Variants in ELOVL6 observed in about 807,000 individuals in gnomAD.
ELOVL6 encodes the protein ELOVL fatty acid elongase 6, also known as very long chain fatty acid elongase 6.
Under a neutral mutation model 31.7 loss-of-function variants are expected in ELOVL6, and 8 were observed. The observed-to-expected ratio is 0.25, with a 90% CI of 0.15 to 0.45. The LOEUF (loss-of-function observed/expected upper bound fraction) is 0.45. Among genes scored for constraint, ELOVL6 ranks in the 20% least tolerant of loss-of-function variants. The pLI is 1.00. For synonymous variants in ELOVL6, 101 were observed against 117.7 expected (o/e 0.86, Z 0.92); for missense variants, 126 against 326.4 (o/e 0.39, Z 4.73).
Position 110,114,782 on chromosome 4 carries a change from A to T in ELOVL6, c.90-9154T>A, listed in dbSNP as rs562203240. 9.2e-5 allele frequency among the ~76,000 whole-genome samples: 14 copies of T among 152,372 alleles called. No individual in the cohort carries two copies. The East Asian group carries it at 2.7e-3, about 29-fold the overall frequency. On this transcript the variant is annotated intron_variant, in intron 1 of 3. Coordinates refer to ENST00000302274, the MANE Select transcript of ELOVL6 (RefSeq NM_024090.3). ...GAAAAAACACTGTCAAAAGGAGACAATTATTCACAATGCATTGAAAACCGG... is the reference window on the plus strand; with the variant it reads ...GAAAAAACACTGTCAAAAGGAGACATTTATTCACAATGCATTGAAAACCGG...
At chr4:110,066,418 C>T (rs1012668981) in intron 2 of ELOVL6, among the ~76,000 whole-genome samples, 2 of 151,802 alleles carry the variant, frequency 1.3e-5, no homozygotes, top group South Asian at 2.1e-4. Flanking sequence ...GGGCGGATCA[C>T]GAGGTCAGGA....
Position 110,069,366 on chromosome 4 carries a change from T to C in ELOVL6, c.222-9612A>G, listed in dbSNP as rs188494053. Reference sequence around the variant, plus strand: ...TATAAAGACTTCATCTCCTTGGCACTACTAATAGCCTCGACCCCATCAAGG... The same window carrying C: ...TATAAAGACTTCATCTCCTTGGCACCACTAATAGCCTCGACCCCATCAAGG... On this transcript the variant is annotated intron_variant, in intron 2 of 3. Transcript: ENST00000302274. 7.9e-5 allele frequency among the ~76,000 whole-genome samples: 12 copies of C among 151,974 alleles called. No homozygotes were observed. The East Asian group carries it at 2.3e-3, about 29-fold the overall frequency.
chr4:110,157,021 A>G (rs1758448597), intron 1 of ELOVL6, among the ~76,000 whole-genome samples: 1 of 152,216 alleles, frequency 6.6e-6, no homozygotes, highest in Non-Finnish European at 1.5e-5. Context: ...GAAACTGGCT[A>G]ATCATCATTC....
At position 110,084,377 on chromosome 4, in the gene ELOVL6, A is replaced by G. The variant is rs1182937407; in HGVS notation, c.221+21120T>C. 6.6e-4 allele frequency among the ~76,000 whole-genome samples: 34 copies of G among 51,730 alleles called. 5 individuals carry two copies. The South Asian group carries it at 0.022, about 34-fold the overall frequency. 33.9% of individuals were successfully genotyped at this position (51,730 alleles called of 152,430 possible). Reference sequence around the variant, plus strand: ...ATATATACCGCATATATGATATATGATATATATCGCATATATGATATATGA... The same window carrying G: ...ATATATACCGCATATATGATATATGGTATATATCGCATATATGATATATGA... On this transcript the variant is annotated intron_variant, in intron 2 of 3. Transcript: ENST00000302274.
At chr4:110,138,569 G>A (rs1051297305) in intron 1 of ELOVL6, among the ~76,000 whole-genome samples, 1 of 152,136 alleles carries the variant, frequency 6.6e-6, no homozygotes, top group African/African-American at 2.4e-5. Context: ...CTAAAGACAT[G>A]GGAATAAATT....
chr4:110,170,495 T>G (rs1431370325), intron 1 of ELOVL6, among the ~76,000 whole-genome samples: 2 of 152,372 alleles, frequency 1.3e-5, no homozygotes, highest in Non-Finnish European at 2.9e-5. Flanking sequence ...AGTTGCCCAA[T>G]GTGCACATCC....
intron 2 of ELOVL6, among the ~76,000 whole-genome samples, chr4:110,079,148 T>C: frequency 6.6e-6 from 1 of 152,168 alleles, no homozygotes; most frequent in Non-Finnish European, 1.5e-5. Context: ...ATGGGAGACT[T>C]TAACACCCTA....
intron 1 of ELOVL6, among the ~76,000 whole-genome samples, chr4:110,162,509 A>AT (rs532829072): frequency 3.3e-5 from 5 of 151,770 alleles, no homozygotes; most frequent in Non-Finnish European, 5.9e-5. Context: ...ACTATGCCTA[A>AT]TTTTTTTTCT....
intron 2 of ELOVL6, among the ~76,000 whole-genome samples, chr4:110,073,304 C>T (rs1242093707): frequency 6.6e-6 from 1 of 151,470 alleles, no homozygotes; most frequent in East Asian, 1.9e-4. Flanking sequence ...ACTCTTTTCA[C>T]AGAGGCATTT....
intron 1 of ELOVL6, among the ~76,000 whole-genome samples, chr4:110,162,369 A>C (rs543515020): frequency 6.6e-6 from 1 of 152,272 alleles, no homozygotes; most frequent in Non-Finnish European, 1.5e-5. Context: ...TTTTTGAGAC[A>C]GGGTCTCAAT....
intron 2 of ELOVL6, among the ~76,000 whole-genome samples, chr4:110,064,955 G>A (rs1285752123): frequency 4.6e-5 from 7 of 152,124 alleles, no homozygotes; most frequent in African/African-American, 9.7e-5. Flanking sequence ...ATTAGCACTC[G>A]GGGAGAAAAG....
At chr4:110,119,050 G>A (rs1757268747) in intron 1 of ELOVL6, among the ~76,000 whole-genome samples, 1 of 152,032 alleles carries the variant, frequency 6.6e-6, no homozygotes. Flanking sequence ...GGCCACAAAG[G>A]AAATTTCAAA....
intron 1 of ELOVL6, among the ~76,000 whole-genome samples, chr4:110,116,897 C>T (rs1757184054): frequency 6.6e-6 from 1 of 152,122 alleles, no homozygotes; most frequent in African/African-American, 2.4e-5. Flanking sequence ...TGCAATGCTT[C>T]CTTCACTTCC....
At chr4:110,198,071 T>C (rs1759867611) in intron 1 of ELOVL6, 176 bp downstream of exon 1, 2 of 512,154 alleles carry the variant, frequency 3.9e-6, no homozygotes, top group Non-Finnish European at 6.7e-6. Context: ...TCGCGCTTCA[T>C]GTACCCCCCC....
intron 1 of ELOVL6, among the ~76,000 whole-genome samples, chr4:110,153,883 T>A (rs1758346108): frequency 6.6e-6 from 1 of 152,206 alleles, no homozygotes; most frequent in Non-Finnish European, 1.5e-5. Context: ...TAAGCAGCTT[T>A]ACAAGGCTTA....
At chr4:110,066,617 C>G (rs1210197350) in intron 2 of ELOVL6, among the ~76,000 whole-genome samples, 1 of 114,194 alleles carries the variant, frequency 8.8e-6, no homozygotes, top group Non-Finnish European at 1.6e-5. Flanking sequence ...CCAGCCTGGG[C>G]GACAGAGACT....
At chr4:110,087,818 A>AAAAAC (rs377416459) in intron 2 of ELOVL6, among the ~76,000 whole-genome samples, 1 of 148,624 alleles carries the variant, frequency 6.7e-6, no homozygotes, top group African/African-American at 2.6e-5. Flanking sequence ...AAAAAAAAAA[A>AAAAAC]CCTCCTATTT....
chr4:110,105,656 G>T, intron 1 of ELOVL6, 28 bp from the exon 2 acceptor site: 1 of 1,599,800 alleles, frequency 6.3e-7, no homozygotes, highest in Non-Finnish European at 8.5e-7. Flanking sequence ...AAATCTTTAA[G>T]ATATTTTTAG....
At chr4:110,133,905 C>T (rs1004847641) in intron 1 of ELOVL6, among the ~76,000 whole-genome samples, 3 of 152,148 alleles carry the variant, frequency 2.0e-5, no homozygotes, top group Non-Finnish European at 4.4e-5. Flanking sequence ...ATGACAATTA[C>T]CAGAAGCCTG....
Sources: allele counts gnomAD v4.1 joint callset (sites outside exome capture counted in the v4.1 genomes callset), GRCh38; gene constraint gnomAD v4.1.1; transcripts MANE v1.5; gene names NCBI Gene and HGNC (gene_info 2026-07-23, HGNC 2026-07-21).